Variants in EBF2 observed in about 807,000 individuals in gnomAD.
The protein encoded by EBF2 is EBF transcription factor 2, also known as transcription factor COE2.
A neutral mutation model predicts 72.8 loss-of-function variants in EBF2; 21 were observed. The observed-to-expected ratio is 0.29, with a 90% CI of 0.20 to 0.42. The LOEUF (loss-of-function observed/expected upper bound fraction) is 0.42, where lower values mean the gene tolerates loss of function less well. Among genes scored for constraint, EBF2 ranks in the 10% least tolerant of loss-of-function variants. EBF2 has a pLI of 1.00. For missense variants in EBF2, 637 were observed against 731.2 expected (o/e 0.87, Z 1.49); for synonymous variants, 299 against 274.2 (o/e 1.09, Z -0.89).
chr8:25,918,562 AT>A (rs779887868), intron 6 of EBF2, among the ~76,000 whole-genome samples: 11 of 151,872 alleles, frequency 7.2e-5, no homozygotes, highest in South Asian at 2.1e-4. Context: ...ATAAGCACAG[AT>A]TTTTTTTTAA....
At chr8:25,974,718 C>T (rs1484659591) in intron 6 of EBF2, among the ~76,000 whole-genome samples, 1 of 152,084 alleles carries the variant, frequency 6.6e-6, no homozygotes, top group Non-Finnish European at 1.5e-5. Flanking sequence ...TTATGAGTCC[C>T]TGCTTTCCTT....
Position 26,041,674 on chromosome 8 carries a change from C to T in EBF2, c.288+421G>A, listed in dbSNP as rs534204130. On this transcript the variant is annotated intron_variant, in intron 2 of 15. Transcript: ENST00000520164. ...GAACAGAACAGGAGAGAAGACACGG[C>T]CAGAAGGCAGGCCAAGGCTGGGCTG... Among the ~76,000 whole-genome samples, 248 of 152,308 alleles carry T rather than the reference C, an allele frequency of 1.6e-3. 1 individual carries two copies. The highest frequency in any genetic ancestry group is 5.7e-3 in the African/African-American group (238 of 41,580).
intron 5 of EBF2, among the ~76,000 whole-genome samples, chr8:26,036,588 C>T (rs1452119277): frequency 2.6e-5 from 4 of 151,774 alleles, no homozygotes; most frequent in South Asian, 2.1e-4. Context: ...ATGTTCTAGT[C>T]GTTCTTTGTT....
rs185039745 is a variant in EBF2, at chr8:25,989,672, T to C, written c.551+43413A>G. Among the ~76,000 whole-genome samples the C allele has an allele frequency of 1.0e-3, 158 of 152,332 alleles. 1 individual carries two copies. The highest frequency in any genetic ancestry group is 1.6e-3 in the Admixed American group (24 of 15,300). On this transcript the variant is annotated intron_variant, in intron 6 of 15. Transcript: ENST00000520164. ...CAAGTAGTTTAAATTTCTGACCCTG[T>C]CTCTTTCCAGTATGCCTGCAATTGA...
At chr8:25,906,280 C>T (rs985273036) in intron 7 of EBF2, among the ~76,000 whole-genome samples, 1 of 152,142 alleles carries the variant, frequency 6.6e-6, no homozygotes, top group Non-Finnish European at 1.5e-5. Context: ...CTTTTCTCTG[C>T]CTCTGTATCT....
At chr8:25,943,331 A>G (rs1563408687) in intron 6 of EBF2, among the ~76,000 whole-genome samples, 1 of 143,494 alleles carries the variant, frequency 7.0e-6, no homozygotes, top group South Asian at 2.1e-4. Flanking sequence ...AAAAAAAAAA[A>G]AAGAAAGAAA....
At chr8:25,956,008 T>TA (rs1803937846) in intron 6 of EBF2, among the ~76,000 whole-genome samples, 1 of 151,966 alleles carries the variant, frequency 6.6e-6, no homozygotes, top group Non-Finnish European at 1.5e-5. Context: ...CTTTATTTTT[T>TA]AAAAAAAGGA....
chr8:25,850,299 C>G (rs765284436), intron 15 of EBF2, among the ~76,000 whole-genome samples: 3 of 152,044 alleles, frequency 2.0e-5, no homozygotes, highest in Non-Finnish European at 4.4e-5. Flanking sequence ...TTTAAGTAGA[C>G]ACAGGGTTTT....
rs560317065 is a variant in EBF2 at position 26,024,950 on chromosome 8, G to A, written c.551+8135C>T. ...ATAATTGGAAATGTAAAGCAAGCAC[G>A]AAATAGGTAAAATAAATAAATAATG... On this transcript the variant is annotated intron_variant, in intron 6 of 15. Coordinates refer to ENST00000520164, the MANE Select transcript of EBF2 (RefSeq NM_022659.4). Among the ~76,000 whole-genome samples, 8 of 152,254 alleles carry A rather than the reference G, an allele frequency of 5.3e-5. No individual in the cohort carries two copies. The South Asian group carries it at 1.0e-3, about 20-fold the overall frequency.
At chr8:25,899,563 T>A (rs888445810) in intron 7 of EBF2, among the ~76,000 whole-genome samples, 1 of 152,208 alleles carries the variant, frequency 6.6e-6, no homozygotes, top group Non-Finnish European at 1.5e-5. Context: ...GAGAGAAACA[T>A]TCAACATTTT....
intron 15 of EBF2, among the ~76,000 whole-genome samples, chr8:25,845,910 G>T (rs1475677282): frequency 6.6e-6 from 1 of 152,118 alleles, no homozygotes; most frequent in East Asian, 1.9e-4. Flanking sequence ...CCAAGCAAAT[G>T]GCTGAAATTC....
At position 26,033,259 on chromosome 8, in the gene EBF2, G is replaced by C. The variant is rs375428595; in HGVS notation, c.483-106C>G. ...TTCCCCCCAGACAGAGTCTGGCTCT[G>C]TCACCAGGCTGTAGTACAATGGCTT... is the stretch of plus-strand genomic sequence containing the variant. On this transcript the variant is annotated intron_variant, in intron 5 of 15. Coordinates refer to ENST00000520164, the MANE Select transcript of EBF2 (RefSeq NM_022659.4). 1.1e-4 allele frequency: 124 copies of C among 1,094,088 alleles called. No individual in the cohort carries two copies. The East Asian group carries it at 2.1e-3, about 19-fold the overall frequency. 67.8% of individuals were successfully genotyped at this position (1,094,088 alleles called of 1,614,324 possible).
intron 6 of EBF2, among the ~76,000 whole-genome samples, chr8:25,940,952 T>C (rs1188352334): frequency 6.6e-6 from 1 of 152,130 alleles, no homozygotes; most frequent in Non-Finnish European, 1.5e-5. Context: ...ACAGCAGGGA[T>C]TATTTTTCCC....
At chr8:25,947,572 A>G (rs955669009) in intron 6 of EBF2, among the ~76,000 whole-genome samples, 16 of 152,268 alleles carry the variant, frequency 1.1e-4, no homozygotes, top group African/African-American at 3.9e-4. Flanking sequence ...ACCAGCATCC[A>G]TACACCTTTG....
rs1388201166 is a variant in EBF2, at chr8:26,033,076, TC to T, written c.551+8del. 1 of 1,613,524 alleles carries T rather than the reference TC, an allele frequency of 6.2e-7. No homozygotes were observed. The highest frequency in any genetic ancestry group is 1.3e-5 in the African/African-American group (1 of 74,914). On this transcript the variant is annotated splice_region_variant and intron_variant, in intron 6 of 15. Transcript: ENST00000520164. The stretch of plus-strand genomic sequence containing the variant: ...CAAAAATGATTGAAAAATCACTTTT[TC>T]CCCCTACCTGTCAATTATGACTGGG...
At chr8:25,872,440 G>T (rs1474069941) in intron 10 of EBF2, among the ~76,000 whole-genome samples, 1 of 152,154 alleles carries the variant, frequency 6.6e-6, no homozygotes, top group Non-Finnish European at 1.5e-5. Context: ...CATGGAATCT[G>T]TAAATGGTCA....
At chr8:25,934,417 C>T (rs1439087197) in intron 6 of EBF2, among the ~76,000 whole-genome samples, 2 of 152,164 alleles carry the variant, frequency 1.3e-5, no homozygotes, top group South Asian at 2.1e-4. Context: ...TTGTGGTACC[C>T]ACAACCTCAT....
intron 6 of EBF2, among the ~76,000 whole-genome samples, chr8:26,020,115 T>C (rs1473573732): frequency 6.6e-6 from 1 of 152,212 alleles, no homozygotes; most frequent in Non-Finnish European, 1.5e-5. Context: ...CCTCACTGTC[T>C]AGTTAATTTG....
chr8:26,036,559 T>A (rs375953129), intron 5 of EBF2, among the ~76,000 whole-genome samples: 1 of 144,092 alleles, frequency 6.9e-6, no homozygotes, highest in Non-Finnish European at 1.5e-5. Context: ...TTTTTTTTTT[T>A]AGAAAAGTTC....
Sources: allele counts gnomAD v4.1 joint callset (sites outside exome capture counted in the v4.1 genomes callset), GRCh38; gene constraint gnomAD v4.1.1; transcripts MANE v1.5; gene names NCBI Gene and HGNC (gene_info 2026-07-23, HGNC 2026-07-21).